Variants in NFIB observed in about 807,000 individuals in gnomAD.
NFIB encodes nuclear factor I B.
In NFIB, 11 loss-of-function variants were observed where a neutral mutation model predicts 61.5. The observed-to-expected ratio is 0.18, with a 90% confidence interval of 0.11 to 0.30. NFIB has a LOEUF of 0.30. NFIB is among the 10% of genes least tolerant of loss of function. The pLI is 1.00. For synonymous variants in NFIB, 260 were observed against 216.5 expected (o/e 1.20, Z -1.76); for missense variants, 471 against 608.9 (o/e 0.77, Z 2.38).
intron 1 of NFIB, among the ~76,000 whole-genome samples, chr9:14,385,334 T>C (rs547484205): frequency 1.1e-4 from 16 of 152,318 alleles, no homozygotes; most frequent in Admixed American, 7.8e-4. Context: ...TATCACTAAC[T>C]TTCAAACTGC....
At chr9:14,214,723 GTC>G in intron 2 of NFIB, among the ~76,000 whole-genome samples, 2 of 152,258 alleles carry the variant, frequency 1.3e-5, no homozygotes, top group East Asian at 3.9e-4. Context: ...CATATTTTCA[GTC>G]TCTGTTTCTA....
At chr9:14,322,598 C>T (rs1057216196) in intron 1 of NFIB, among the ~76,000 whole-genome samples, 1 of 150,794 alleles carries the variant, frequency 6.6e-6, no homozygotes, top group African/African-American at 2.4e-5. Context: ...CACCCTACCA[C>T]GGCCGGCCTG....
chr9:14,297,144 G>A (rs894373873), intron 2 of NFIB, among the ~76,000 whole-genome samples: 1 of 152,156 alleles, frequency 6.6e-6, no homozygotes, highest in Non-Finnish European at 1.5e-5. Flanking sequence ...TGAGGTAGAC[G>A]TCTGGAGAAA....
intron 3 of NFIB, among the ~76,000 whole-genome samples, chr9:14,162,930 T>C (rs78232917): frequency 0.029 from 4,409 of 152,114 alleles, 159 homozygotes; most frequent in East Asian, 0.098. Flanking sequence ...TTTTAATGGA[T>C]GTGGAAGGTA....
At chr9:14,471,672 T>C in the NFIB span, among the ~76,000 whole-genome samples, 2 of 152,216 alleles carry the variant, frequency 1.3e-5, no homozygotes, top group Non-Finnish European at 2.9e-5. Flanking sequence ...CTGGTTCCAC[T>C]TTTTGCCACG....
intron 2 of NFIB, among the ~76,000 whole-genome samples, chr9:14,217,296 T>C (rs1339230448): frequency 6.6e-6 from 1 of 152,194 alleles, no homozygotes; most frequent in Non-Finnish European, 1.5e-5. Flanking sequence ...ATTTCCAGAA[T>C]GGGCAAGAGC....
the NFIB span, among the ~76,000 whole-genome samples, chr9:14,435,600 G>C: frequency 6.6e-6 from 1 of 152,212 alleles, no homozygotes; most frequent in East Asian, 1.9e-4. Context: ...GGAAATGTTA[G>C]TTACATTACT....
At chr9:14,111,754 A>C (rs948757786) in intron 10 of NFIB, among the ~76,000 whole-genome samples, 7 of 152,192 alleles carry the variant, frequency 4.6e-5, no homozygotes, top group African/African-American at 1.7e-4. Context: ...TGGTATTTTC[A>C]TAACTGTGTA....
At chr9:14,102,116 TTTTC>T (rs1013190294) in intron 10 of NFIB, among the ~76,000 whole-genome samples, 1 of 152,168 alleles carries the variant, frequency 6.6e-6, no homozygotes, top group Non-Finnish European at 1.5e-5. Flanking sequence ...GTGATTTCAC[TTTTC>T]AGGTCCTAAA....
At chr9:14,303,010 A>G (rs1194423206) in intron 2 of NFIB, among the ~76,000 whole-genome samples, 2 of 152,328 alleles carry the variant, frequency 1.3e-5, no homozygotes, top group South Asian at 4.1e-4. Flanking sequence ...ATTTCGTAAC[A>G]GTGTGGTGCA....
At chr9:14,530,558 G>A in the NFIB span, among the ~76,000 whole-genome samples, 13 of 152,158 alleles carry the variant, frequency 8.5e-5, no homozygotes, top group Admixed American at 2.0e-4. Context: ...AGGGTGCAGA[G>A]AAGGACTCAG....
At position 14,307,474 on chromosome 9, in the gene NFIB, G is replaced by A. The variant is rs765460620; in HGVS notation, c.77C>T (p.Ala26Val). ...CAGGTTGAACCAAGTATAGGCAATT[G>A]CACGGACATGTGGAAGAAGTGCCTC... Reference protein sequence around the residue: ...FIEALLPHVRAIAYTWFNLQA... With the variant: ...FIEALLPHVRVIAYTWFNLQA... Residue 26 changes from alanine (A) to valine (V), a missense_variant, in exon 2 of 11, where the codon GCA (alanine) becomes GTA (valine). Physicochemically the swap from Ala to Val is moderately conservative, Grantham distance 64. Coordinates refer to ENST00000380953, the MANE Select transcript of NFIB (RefSeq NM_001190737.2). The surrounding 1 kb of genome is among the most constrained non-coding windows in gnomAD (Gnocchi z 5.3). 3.7e-6 allele frequency: 6 copies of A among 1,612,874 alleles called. No homozygotes were observed. The highest frequency in any genetic ancestry group is 5.1e-6 in the Non-Finnish European group (6 of 1,179,372).
intron 2 of NFIB, among the ~76,000 whole-genome samples, chr9:14,223,212 T>A (rs1024150503): frequency 7.2e-5 from 11 of 152,188 alleles, no homozygotes; most frequent in African/African-American, 2.7e-4. Flanking sequence ...GGAGGGTAGT[T>A]GCTATGCTTA....
intron 2 of NFIB, chr9:14,204,482 G>T: frequency 2.9e-6 from 3 of 1,039,960 alleles, no homozygotes; most frequent in African/African-American, 1.6e-5. Flanking sequence ...AATGCCTCCT[G>T]CGATTAACCA....
At chr9:14,358,527 C>G (rs2061203007) in intron 1 of NFIB, among the ~76,000 whole-genome samples, 1 of 152,182 alleles carries the variant, frequency 6.6e-6, no homozygotes, top group Non-Finnish European at 1.5e-5. Context: ...AAGTTTTTTC[C>G]TAGCCTGAAA....
intron 2 of NFIB, among the ~76,000 whole-genome samples, chr9:14,245,135 G>T (rs1179723991): frequency 6.6e-6 from 1 of 152,098 alleles, no homozygotes; most frequent in East Asian, 1.9e-4. Flanking sequence ...CAACACTTGG[G>T]TCATGCCTAC....
At chr9:14,310,875 G>C (rs922286350) in intron 1 of NFIB, among the ~76,000 whole-genome samples, 2 of 152,074 alleles carry the variant, frequency 1.3e-5, no homozygotes, top group African/African-American at 4.8e-5. Context: ...CCATGAAAGG[G>C]ATGGATAATT....
At chr9:14,426,126 A>G in the NFIB span, among the ~76,000 whole-genome samples, 15 of 152,142 alleles carry the variant, frequency 9.9e-5, no homozygotes, top group African/African-American at 3.6e-4. Context: ...AGTTTTCCCA[A>G]ATCCTCCTAA....
At chr9:14,346,016 C>G (rs1226558971) in intron 1 of NFIB, among the ~76,000 whole-genome samples, 2 of 152,178 alleles carry the variant, frequency 1.3e-5, no homozygotes, top group Non-Finnish European at 2.9e-5. Context: ...AGGGACCAGC[C>G]TAGCGGGTGG....
Sources: allele counts gnomAD v4.1 joint callset (sites outside exome capture counted in the v4.1 genomes callset), GRCh38; gene constraint gnomAD v4.1.1; non-coding constraint Gnocchi (gnomAD v3.1); transcripts MANE v1.5; gene names NCBI Gene and HGNC (gene_info 2026-07-23, HGNC 2026-07-21).